The following SLC10A7 variants were observed in gnomAD, a reference collection of about 807,000 sequenced individuals.
SLC10A7 encodes solute carrier family 10 member 7.
SLC10A7 carries 29 observed loss-of-function variants against 43.2 expected under a neutral mutation model. The observed-to-expected ratio is 0.67, with a 90% CI of 0.50 to 0.92. SLC10A7 has a LOEUF of 0.92. Among genes scored for constraint, SLC10A7 ranks in the 40% least tolerant of loss-of-function variants. The probability of loss-of-function intolerance (pLI) is 0.00; values close to 1 mark genes in which losing one functional copy is unlikely to be tolerated. For missense variants in SLC10A7, 295 were observed against 403.2 expected (o/e 0.73, Z 2.30); for synonymous variants, 152 against 144.8 (o/e 1.05, Z -0.35).
intron 5 of SLC10A7, among the ~76,000 whole-genome samples, chr4:146,402,358 C>G (rs1028354618): frequency 2.0e-5 from 3 of 152,130 alleles, no homozygotes; most frequent in African/African-American, 7.2e-5. Context: ...AGAAGTCAGG[C>G]TCCCATTACC....
At chr4:146,326,938 A>AGT (rs1358608621) in intron 5 of SLC10A7, among the ~76,000 whole-genome samples, 1,672 of 96,822 alleles carry the variant, frequency 0.017, 53 homozygotes, top group African/African-American at 0.074. Context: ...ACACACACAC[A>AGT]CACACACACA....
chr4:146,444,937 C>A (rs867562100), intron 4 of SLC10A7, among the ~76,000 whole-genome samples: 4 of 152,056 alleles, frequency 2.6e-5, no homozygotes, highest in Admixed American at 2.6e-4. Context: ...ATGAAAGAAC[C>A]ATGATTTCCA....
chr4:146,496,181 G>A (rs1429714289), intron 4 of SLC10A7, among the ~76,000 whole-genome samples: 3 of 152,018 alleles, frequency 2.0e-5, no homozygotes, highest in Admixed American at 6.6e-5. Context: ...ATTCCACTAC[G>A]TTTCGCCTAT....
intron 10 of SLC10A7, among the ~76,000 whole-genome samples, chr4:146,261,632 T>C (rs1728231070): frequency 6.6e-6 from 1 of 152,224 alleles, no homozygotes; most frequent in Admixed American, 6.5e-5. Context: ...CCACGATCAC[T>C]TGCAGCTGCG....
chr4:146,373,097 T>C (rs1736908253), intron 5 of SLC10A7, among the ~76,000 whole-genome samples: 1 of 152,198 alleles, frequency 6.6e-6, no homozygotes, highest in Admixed American at 6.5e-5. Context: ...TTGATCATTA[T>C]TCTACAGAAA....
chr4:146,304,017 G>T (rs1731349527), intron 7 of SLC10A7, among the ~76,000 whole-genome samples: 1 of 150,796 alleles, frequency 6.6e-6, no homozygotes, highest in South Asian at 2.1e-4. Context: ...CACTTTAGTT[G>T]TGCATTAAAT....
At chr4:146,265,464 G>A (rs762387979) in intron 10 of SLC10A7, among the ~76,000 whole-genome samples, 1 of 152,146 alleles carries the variant, frequency 6.6e-6, no homozygotes, top group Non-Finnish European at 1.5e-5. Flanking sequence ...CCTCCATGAT[G>A]AAGGTGGCTT....
intron 5 of SLC10A7, among the ~76,000 whole-genome samples, chr4:146,335,478 G>C (rs1578914428): frequency 6.6e-6 from 1 of 152,070 alleles, no homozygotes; most frequent in Non-Finnish European, 1.5e-5. Context: ...TTTATAAGAG[G>C]CAGAAAGCAA....
At chr4:146,352,608 T>A (rs1735212634) in intron 5 of SLC10A7, among the ~76,000 whole-genome samples, 1 of 144,750 alleles carries the variant, frequency 6.9e-6, no homozygotes, top group Non-Finnish European at 1.5e-5. Flanking sequence ...ACACCACACC[T>A]ATTCCAAAAT....
At chr4:146,265,855 G>A (rs989156463) in intron 10 of SLC10A7, among the ~76,000 whole-genome samples, 1 of 152,200 alleles carries the variant, frequency 6.6e-6, no homozygotes, top group Non-Finnish European at 1.5e-5. Context: ...AAACTGGACT[G>A]ACGAAGGAAT....
intron 4 of SLC10A7, among the ~76,000 whole-genome samples, chr4:146,462,251 A>C (rs1329104219): frequency 6.6e-6 from 1 of 152,084 alleles, no homozygotes; most frequent in Non-Finnish European, 1.5e-5. Flanking sequence ...AGAATATAGC[A>C]ATTCTTTTTT....
At chr4:146,445,373 C>G (rs988824366) in intron 4 of SLC10A7, among the ~76,000 whole-genome samples, 10 of 152,088 alleles carry the variant, frequency 6.6e-5, no homozygotes, top group Admixed American at 6.5e-4. Flanking sequence ...GGTGTGGGAA[C>G]GCGCACAAAG....
rs1287452531 is a variant in SLC10A7, at chr4:146,443,038, A to T, written c.397-217T>A. On this transcript the variant is annotated intron_variant, in intron 4 of 11. Transcript: ENST00000335472. ...GAATTCATAAATAATGGGTCTCAAA[A>T]GCAGGCAGAAAACGCTTGTCATGCC... 6.6e-5 allele frequency among the ~76,000 whole-genome samples: 10 copies of T among 152,218 alleles called. No individual in the cohort carries two copies. The East Asian group carries it at 1.9e-3, about 29-fold the overall frequency.
intron 10 of SLC10A7, among the ~76,000 whole-genome samples, chr4:146,260,041 T>G (rs976524760): frequency 6.6e-6 from 1 of 152,218 alleles, no homozygotes; most frequent in Non-Finnish European, 1.5e-5. Context: ...ACAAAATGTG[T>G]TTCATGGTTA....
intron 5 of SLC10A7, among the ~76,000 whole-genome samples, chr4:146,425,003 C>A (rs967980537): frequency 1.3e-5 from 2 of 151,416 alleles, no homozygotes; most frequent in African/African-American, 4.9e-5. Context: ...TTTCTAATAT[C>A]CTAAAGTAAA....
chr4:146,267,893 C>T (rs893778532), intron 10 of SLC10A7, among the ~76,000 whole-genome samples: 2 of 152,082 alleles, frequency 1.3e-5, no homozygotes, highest in African/African-American at 4.8e-5. Flanking sequence ...CTGACAAACC[C>T]CCTTTGCTAG....
intron 6 of SLC10A7, among the ~76,000 whole-genome samples, chr4:146,314,782 C>A (rs982560781): frequency 6.6e-6 from 1 of 152,082 alleles, no homozygotes; most frequent in Non-Finnish European, 1.5e-5. Context: ...TGGCTTTGGT[C>A]TGTCATTCTA....
chr4:146,408,626 T>A (rs200259185), intron 5 of SLC10A7: 1 of 152,130 alleles, frequency 6.6e-6, no homozygotes, highest in East Asian at 1.9e-4. Context: ...AACAACTGAC[T>A]ACTTCGAAAA....
intron 5 of SLC10A7, among the ~76,000 whole-genome samples, chr4:146,349,204 A>C (rs902312491): frequency 6.6e-6 from 1 of 152,154 alleles, no homozygotes; most frequent in African/African-American, 2.4e-5. Context: ...ATAGTCCATT[A>C]AACAGACACT....
Sources: gnomAD v4.1 joint callset for allele counts (sites outside exome capture counted in the v4.1 genomes callset) on GRCh38, gnomAD v4.1.1 for gene constraint, MANE v1.5 for transcripts, NCBI Gene and HGNC (gene_info 2026-07-23, HGNC 2026-07-21) for gene names.